The following OR1J2 variants were observed in gnomAD, a reference collection of about 807,000 sequenced individuals.
OR1J2 encodes the protein olfactory receptor family 1 subfamily J member 2.
For missense variants in OR1J2, 304 were observed against 246.1 expected, an observed-to-expected ratio of 1.24 and a Z score of -1.57; for synonymous variants, 142 against 99.7, an observed-to-expected ratio of 1.42 and a Z score of -2.52.
chr9:122,482,290 A>G, the OR1J2 span, among the ~76,000 whole-genome samples: 3 of 152,206 alleles, frequency 2.0e-5, no homozygotes, highest in Non-Finnish European at 4.4e-5. Context: ...ACTAATTATT[A>G]AGGAAATGCA....
At chr9:122,510,130 A>G (rs1828604969), upstream of OR1J2, among the ~76,000 whole-genome samples, 1 of 152,156 alleles carries the variant, frequency 6.6e-6, no homozygotes. Context: ...CGTCCTGCAC[A>G]TGTACCCCAG....
chr9:122,568,097 G>T, the OR1J2 span: 1 of 1,614,080 alleles, frequency 6.2e-7, no homozygotes, highest in East Asian at 2.2e-5. Context: ...AAGGGTCACA[G>T]ACGGCCACAT....
the OR1J2 span, among the ~76,000 whole-genome samples, chr9:122,504,197 G>T: frequency 6.6e-6 from 1 of 152,138 alleles, no homozygotes; most frequent in Non-Finnish European, 1.5e-5. Context: ...ACTGGATGTC[G>T]CATGGTTAGG....
At chr9:122,507,003 TA>T (rs1828533024), upstream of OR1J2, among the ~76,000 whole-genome samples, 1 of 152,334 alleles carries the variant, frequency 6.6e-6, no homozygotes, top group South Asian at 2.1e-4. Flanking sequence ...TCATTGGCTA[TA>T]AAAATTATTC....
At chr9:122,522,885 A>G in the OR1J2 span, among the ~76,000 whole-genome samples, 2 of 152,194 alleles carry the variant, frequency 1.3e-5, no homozygotes, top group African/African-American at 4.8e-5. Flanking sequence ...TAATAACACC[A>G]CGAATAGTTG....
the OR1J2 span, among the ~76,000 whole-genome samples, chr9:122,498,441 T>A: frequency 4.6e-5 from 7 of 152,218 alleles, no homozygotes; most frequent in Non-Finnish European, 1.0e-4. Context: ...AGCTTTCACT[T>A]ATGTTTTGAA....
the OR1J2 span, among the ~76,000 whole-genome samples, chr9:122,466,214 A>G: frequency 0.01 from 1,586 of 152,316 alleles, 21 homozygotes; most frequent in Admixed American, 0.033. Context: ...ACAGTGAGCA[A>G]GCAAGCAGAC....
chr9:122,477,572 C>G, the OR1J2 span: 1 of 1,613,966 alleles, frequency 6.2e-7, no homozygotes, highest in Non-Finnish European at 8.5e-7. Context: ...CTGTCATATG[C>G]CATTGAAGTG....
the OR1J2 span, among the ~76,000 whole-genome samples, chr9:122,487,819 C>T: frequency 3.9e-5 from 6 of 152,194 alleles, no homozygotes; most frequent in East Asian, 5.8e-4. Flanking sequence ...GTGCCTTTGC[C>T]GGACACCAAG....
chr9:122,526,341 T>C, the OR1J2 span: 2 of 1,432,634 alleles, frequency 1.4e-6, no homozygotes, highest in Non-Finnish European at 1.9e-6. Context: ...TTTCATTAAA[T>C]GTTGCTGTCA....
upstream of OR1J2, among the ~76,000 whole-genome samples, chr9:122,510,591 C>G (rs1445538539): frequency 6.6e-6 from 1 of 152,002 alleles, no homozygotes; most frequent in Admixed American, 6.5e-5. Context: ...TACCTATCAT[C>G]CCATCGTCTA....
the OR1J2 span, chr9:122,527,080 T>A: frequency 6.2e-7 from 1 of 1,614,146 alleles, no homozygotes; most frequent in Non-Finnish European, 8.5e-7. Flanking sequence ...GTGGAGGACG[T>A]TAAACCCATG....
At chr9:122,553,358 C>T in the OR1J2 span, 1 of 1,614,012 alleles carries the variant, frequency 6.2e-7, no homozygotes, top group Non-Finnish European at 8.5e-7. Flanking sequence ...TGCTCATTAT[C>T]CTGGCCATCA....
chr9:122,477,026 G>C, the OR1J2 span: 2 of 1,613,534 alleles, frequency 1.2e-6, no homozygotes, highest in South Asian at 2.2e-5. Context: ...AGTTTTCTTA[G>C]GGCTCCCTTA....
At chr9:122,573,846 A>T in the OR1J2 span, among the ~76,000 whole-genome samples, 1 of 152,142 alleles carries the variant, frequency 6.6e-6, no homozygotes, top group African/African-American at 2.4e-5. Context: ...ATTTTCTCTT[A>T]TGTTATCCTC....
At chr9:122,469,586 C>A in the OR1J2 span, among the ~76,000 whole-genome samples, 2 of 152,042 alleles carry the variant, frequency 1.3e-5, no homozygotes, top group South Asian at 4.2e-4. Flanking sequence ...GAAAAGATAC[C>A]CGAAAATGTG....
the OR1J2 span, among the ~76,000 whole-genome samples, chr9:122,551,685 G>A: frequency 1.3e-5 from 2 of 152,048 alleles, no homozygotes; most frequent in African/African-American, 4.8e-5. Context: ...GGAAAGAGAG[G>A]TCCTCAGCTC....
the OR1J2 span, among the ~76,000 whole-genome samples, chr9:122,471,635 A>G: frequency 6.6e-6 from 1 of 152,208 alleles, no homozygotes; most frequent in East Asian, 1.9e-4. Context: ...ACCATGATCA[A>G]AGTCTCTGGC....
At chr9:122,515,617 T>C (rs1454986428), downstream of OR1J2, among the ~76,000 whole-genome samples, 3 of 152,194 alleles carry the variant, frequency 2.0e-5, no homozygotes, top group Non-Finnish European at 1.5e-5. Flanking sequence ...GATATTAGAA[T>C]GTGGGCTTAT....
Sources: gnomAD v4.1 joint callset for allele counts (sites outside exome capture counted in the v4.1 genomes callset) on GRCh38, gnomAD v4.1.1 for gene constraint, MANE v1.5 for transcripts, NCBI Gene and HGNC (gene_info 2026-07-23, HGNC 2026-07-21) for gene names.